Variants in ASB7 observed in about 807,000 individuals in gnomAD.
ASB7 encodes ankyrin repeat and SOCS box protein 7.
Under a neutral mutation model 32.5 loss-of-function variants are expected in ASB7, and 4 were observed. That is an observed-to-expected ratio of 0.12 (90% CI 0.06 to 0.28). The LOEUF (loss-of-function observed/expected upper bound fraction) is 0.28. ASB7 is among the 10% of genes least tolerant of loss of function. The probability of loss-of-function intolerance (pLI) is 1.00; values close to 1 mark genes in which losing one functional copy is unlikely to be tolerated. For synonymous variants in ASB7, 172 were observed against 155.6 expected (o/e 1.11, Z -0.78); for missense variants, 181 against 407.1 (o/e 0.44, Z 4.78).
At position 100,650,489 on chromosome 15, in the gene ASB7, G is replaced by C. The variant is rs974158682; in HGVS notation, c.*2027G>C. 6.6e-6 allele frequency: 1 copy of C among 152,188 alleles called. No homozygotes were observed. Among genetic ancestry groups the C allele is most frequent in the African/African-American group, 2.4e-5 (1 of 41,428 alleles). 9.4% of individuals were successfully genotyped at this position (152,188 alleles called of 1,614,324 possible). On this transcript the variant is annotated 3_prime_UTR_variant, in exon 6 of 6. Coordinates refer to ENST00000332783, the MANE Select transcript of ASB7 (RefSeq NM_198243.3). ...GCCTGGAGTTTCTGCACTCTCATCA[G>C]TGATGTTCATGTTACACTTGCACAA... is the stretch of plus-strand genomic sequence containing the variant.
At chr15:100,612,941 A>C (rs1169326663) in intron 4 of ASB7, among the ~76,000 whole-genome samples, 1 of 152,216 alleles carries the variant, frequency 6.6e-6, no homozygotes. Context: ...ATACTATAAG[A>C]AGATTGGTTA....
intron 5 of ASB7, among the ~76,000 whole-genome samples, chr15:100,640,599 C>A (rs1211566733): frequency 6.6e-6 from 1 of 152,158 alleles, no homozygotes; most frequent in Non-Finnish European, 1.5e-5. Context: ...TGCCTCCCTC[C>A]ACCTCCAATT....
intron 3 of ASB7, 95 bp from the exon 4 acceptor site, chr15:100,612,071 G>C: frequency 1.4e-6 from 1 of 727,458 alleles, no homozygotes; most frequent in South Asian, 1.7e-5. Flanking sequence ...AAGGTTTACT[G>C]ATGTAGCAAA....
intron 5 of ASB7, among the ~76,000 whole-genome samples, chr15:100,633,868 A>T (rs571171279): frequency 6.6e-6 from 1 of 152,146 alleles, no homozygotes; most frequent in Admixed American, 6.5e-5. Flanking sequence ...AAGTGGAATA[A>T]TGTGTACATA....
intron 5 of ASB7, chr15:100,646,463 G>A (rs568392499): frequency 1.1e-5 from 5 of 464,942 alleles, no homozygotes; most frequent in Admixed American, 2.1e-5. Flanking sequence ...TTGACCAAGG[G>A]CATTCACAGA....
chr15:100,633,562 A>G (rs2039900031), intron 5 of ASB7, among the ~76,000 whole-genome samples: 1 of 151,736 alleles, frequency 6.6e-6, no homozygotes, highest in South Asian at 2.1e-4. Context: ...GGGTGACAAG[A>G]GTGAAACTCT....
At chr15:100,639,987 T>C (rs930756999) in intron 5 of ASB7, among the ~76,000 whole-genome samples, 2 of 152,194 alleles carry the variant, frequency 1.3e-5, no homozygotes, top group Non-Finnish European at 2.9e-5. Context: ...GGATTCTATC[T>C]AAGAGAATAC....
rs1005075065 is a variant in ASB7 at position 100,649,836 on chromosome 15, G to A, written c.*1374G>A. 8 of 152,228 alleles carry A rather than the reference G, an allele frequency of 5.3e-5. No individual in the cohort carries two copies. Among genetic ancestry groups the A allele is most frequent in the African/African-American group, 1.9e-4 (8 of 41,452 alleles). 9.4% of individuals were successfully genotyped at this position (152,228 alleles called of 1,614,324 possible). On this transcript the variant is annotated 3_prime_UTR_variant, in exon 6 of 6. Coordinates refer to ENST00000332783, the MANE Select transcript of ASB7 (RefSeq NM_198243.3). Reference sequence around the variant, plus strand: ...CAAATGTCCCAGTATCGTTCTTAGTGCTTTGGGAAAAAATATTTAACACAC... The same window carrying A: ...CAAATGTCCCAGTATCGTTCTTAGTACTTTGGGAAAAAATATTTAACACAC...
chr15:100,645,854 A>G (rs1597013778), intron 5 of ASB7: 2 of 1,016,038 alleles, frequency 2.0e-6, no homozygotes, highest in East Asian at 5.1e-5. Flanking sequence ...TGGTCCCAAG[A>G]TACGCTGCAG....
At chr15:100,618,178 G>A (rs756084814) in intron 4 of ASB7, among the ~76,000 whole-genome samples, 17 of 152,154 alleles carry the variant, frequency 1.1e-4, no homozygotes, top group African/African-American at 1.7e-4. Flanking sequence ...GTGCAGTGGC[G>A]TGATCTCATC....
At chr15:100,642,498 T>C (rs749003190) in intron 5 of ASB7, among the ~76,000 whole-genome samples, 3 of 152,214 alleles carry the variant, frequency 2.0e-5, no homozygotes, top group Non-Finnish European at 4.4e-5. Flanking sequence ...AAAAACTTTT[T>C]CATACAGCCC....
At chr15:100,603,512 AT>A (rs907975213) in intron 2 of ASB7, among the ~76,000 whole-genome samples, 199 bp downstream of exon 2, 1 of 147,582 alleles carries the variant, frequency 6.8e-6, no homozygotes, top group African/African-American at 2.5e-5. Flanking sequence ...CCAGGACAGT[AT>A]TTTCCCACTT....
intron 2 of ASB7, among the ~76,000 whole-genome samples, chr15:100,603,621 T>C (rs1241255491): frequency 6.6e-6 from 1 of 152,066 alleles, no homozygotes. Context: ...GTAGCTACCC[T>C]CCCTTCCTTA....
Position 100,647,327 on chromosome 15 carries a change from G to A in ASB7, c.818-996G>A, listed in dbSNP as rs144058615. On this transcript the variant is annotated intron_variant, in intron 5 of 5. Coordinates refer to ENST00000332783, the MANE Select transcript of ASB7 (RefSeq NM_198243.3). The stretch of plus-strand genomic sequence containing the variant: ...TGAGACTCTATAAAATGGGGATGAT[G>A]ATCAAAGTACTTCCCTCGTAAAAGG... 6.2e-4 allele frequency among the ~76,000 whole-genome samples: 95 copies of A among 152,268 alleles called. 1 individual carries two copies. In the East Asian group the frequency reaches 0.018, roughly 28 times the overall value.
intron 5 of ASB7, among the ~76,000 whole-genome samples, chr15:100,643,701 G>T (rs4073788): frequency 6.6e-6 from 1 of 150,550 alleles, no homozygotes; most frequent in African/African-American, 2.4e-5. Flanking sequence ...CACCATGTTG[G>T]CCAGGATGGT....
intron 4 of ASB7, among the ~76,000 whole-genome samples, chr15:100,622,127 G>C (rs924188332): frequency 6.6e-6 from 1 of 151,600 alleles, no homozygotes. Context: ...ACAAAAATCA[G>C]TAGCATTTCT....
At chr15:100,630,189 A>T (rs1251502538) in intron 5 of ASB7, 147 bp downstream of exon 5, 3 of 1,245,726 alleles carry the variant, frequency 2.4e-6, no homozygotes, top group East Asian at 3.0e-5. Context: ...CTTCTGAAAT[A>T]AAAAAAAAAC....
chr15:100,646,584 G>T, intron 5 of ASB7: 1 of 360,174 alleles, frequency 2.8e-6, no homozygotes, highest in East Asian at 6.6e-5. Context: ...AGACAGCAGG[G>T]ATTGAGAAGG....
Position 100,603,023 on chromosome 15 carries a change from G to A in ASB7, c.-296G>A, listed in dbSNP as rs1241002244. 5.0e-6 allele frequency: 2 copies of A among 399,332 alleles called. No homozygotes were observed. Among genetic ancestry groups the A allele is most frequent in the East Asian group, 7.1e-5 (2 of 28,082 alleles). The allele number at this position is 399,332 out of a possible 1,614,324, so 24.7% of individuals were successfully genotyped here. On this transcript the variant is annotated 5_prime_UTR_variant, in exon 1 of 6. Coordinates refer to ENST00000332783, the MANE Select transcript of ASB7 (RefSeq NM_198243.3). ...GTGTAGAGGAGGCTGAAAGGAGGAA[G>A]AGAAGCAGCAGCTGAGGAGACAGGT...
Sources: allele counts gnomAD v4.1 joint callset (sites outside exome capture counted in the v4.1 genomes callset), GRCh38; gene constraint gnomAD v4.1.1; transcripts MANE v1.5; gene names NCBI Gene and HGNC (gene_info 2026-07-23, HGNC 2026-07-21).